TTN: variants seen among roughly 807,000 people sequenced by gnomAD.
TTN encodes the protein titin.
In TTN, 1,525 loss-of-function variants were observed where a neutral mutation model predicts 3,223.0. The observed-to-expected ratio is 0.47, with a 90% CI of 0.45 to 0.49. The LOEUF is 0.49. Ranked by LOEUF, TTN falls within the 20% of genes least tolerant of loss-of-function variation. The probability of loss-of-function intolerance (pLI) is 0.00; values close to 1 mark genes in which losing one functional copy is unlikely to be tolerated. For synonymous variants in TTN, 14,094 were observed against 15,161.0 expected (o/e 0.93, Z 5.17); for missense variants, 40,786 against 43,424.0 (o/e 0.94, Z 5.40).
chr2:178,562,614 C>T lies in TTN; in HGVS notation c.83518G>A (p.Val27840Ile). Residue 27840 changes from valine (V) to isoleucine (I), a missense_variant, in exon 326 of 363, where the codon GTC becomes ATC. Coordinates refer to ENST00000589042, the MANE Select transcript of TTN (RefSeq NM_001267550.2). ...LQEGCSYYFR[V>I]LASNEYGIGL... ...ATCCCATATTCATTGGAAGCCAAGA[C>T]TCGGAAGTAGTAAGAACATCCTTCT... 5 of 1,610,250 alleles carry T rather than the reference C, an allele frequency of 3.1e-6. No homozygotes were observed. The highest frequency in any genetic ancestry group is 4.2e-6 in the Non-Finnish European group (5 of 1,178,650).
At chr2:178,786,834 C>T (rs1266743423) in intron 13 of TTN, among the ~76,000 whole-genome samples, 3 of 152,150 alleles carry the variant, frequency 2.0e-5, no homozygotes, top group South Asian at 2.1e-4. Flanking sequence ...AAGAGAACAA[C>T]CTTTCACATT....
chr2:178,683,724 G>T (rs1222177107), intron 133 of TTN, among the ~76,000 whole-genome samples: 1 of 151,894 alleles, frequency 6.6e-6, no homozygotes, highest in Non-Finnish European at 1.5e-5. Context: ...AAGCATCTAG[G>T]CAGATGAGTT....
intron 40 of TTN, 46 bp from the exon 41 acceptor site, chr2:178,766,658 T>C (rs765470575): frequency 1.3e-6 from 2 of 1,488,192 alleles, no homozygotes; most frequent in Admixed American, 1.7e-5. Flanking sequence ...AACAAAAACT[T>C]GAAGCTCTGG....
At position 178,733,673 on chromosome 2, in the gene TTN, G is replaced by A. The variant is rs756844952; in HGVS notation, c.15716C>T (p.Thr5239Met). The A allele has an allele frequency of 2.2e-5, 35 of 1,613,474 alleles. No homozygotes were observed. Among genetic ancestry groups the A allele is most frequent in the African/African-American group, 2.7e-5 (2 of 74,888 alleles). The change falls in exon 53 of 363, where the codon ACG (threonine) becomes ATG (methionine). Residue 5239 changes from threonine to methionine, a missense_variant. Transcript: ENST00000589042. ...DVQISFGGKYTCLAENEAGSQ... is the reference protein window; with the variant it reads ...DVQISFGGKYMCLAENEAGSQ... ...TCCAGCTTCATTTTCAGCCAGGCAC[G>A]TGTATTTGCCTCCAAAACTAATCTG...
chr2:178,740,303 T>C lies in TTN; in HGVS notation c.12930A>G (p.Pro4310=). The C allele has an allele frequency of 6.2e-7, 1 of 1,613,730 alleles. No homozygotes were observed. The highest frequency in any genetic ancestry group is 8.5e-7 in the Non-Finnish European group (1 of 1,179,802). Residue 4310 remains proline, a synonymous_variant, in exon 48 of 363, where the codon CCA becomes CCG. Coordinates refer to ENST00000589042, the MANE Select transcript of TTN (RefSeq NM_001267550.2). The part of the protein sequence containing the change: ...GGKILIESAN[P]LENAGQDSAV... ...CAGAATCTTGCCCTGCATTTTCCAG[T>C]GGATTTGCACTTTCTATCAAAATTT...
rs1246123537 is a variant in TTN, at chr2:178,706,633, G to A, written c.29241C>T (p.Ile9747=). ...RQLNQGGRVF[I]HQKGDEAKLE... ...GTTTTGCTTCATCGCCTTTTTGGTG[G>A]ATGAAAACACGACCTCCTTGGTTCA... Residue 9747 remains isoleucine (I), a synonymous_variant, in exon 102 of 363, where the codon ATC becomes ATT. Transcript: ENST00000589042. 1.2e-6 allele frequency: 2 copies of A among 1,613,876 alleles called. No individual in the cohort carries two copies. Among genetic ancestry groups the A allele is most frequent in the Non-Finnish European group, 1.7e-6 (2 of 1,179,836 alleles).
rs786205300 is a variant in TTN, at chr2:178,566,921, G to A, written c.79211C>T (p.Thr26404Ile). Residue 26404 changes from threonine to isoleucine, a missense_variant, in exon 326 of 363, where the codon ACC becomes ATC. Coordinates refer to ENST00000589042, the MANE Select transcript of TTN (RefSeq NM_001267550.2). The part of the protein sequence containing the change: ...EVTNIAKDSM[T>I]VCWNRPDSDG... The stretch of plus-strand genomic sequence containing the variant: ...ACTATCTGGACGGTTCCAACAGACG[G>A]TCATGGAGTCTTTGGCAATATTTGT... The A allele has an allele frequency of 1.9e-6, 3 of 1,613,420 alleles. No individual in the cohort carries two copies. The highest frequency in any genetic ancestry group is 2.5e-6 in the Non-Finnish European group (3 of 1,179,672).
At chr2:178,668,412 C>T (rs961433079) in intron 159 of TTN, among the ~76,000 whole-genome samples, 2 of 151,956 alleles carry the variant, frequency 1.3e-5, no homozygotes, top group African/African-American at 2.4e-5. Flanking sequence ...AGTTGAGTTT[C>T]AACAGGAAAT....
Position 178,710,731 on chromosome 2 carries a change from C to A in TTN, c.28366G>T (p.Val9456Phe), listed in dbSNP as rs772549192. Residue 9456 changes from valine (V) to phenylalanine (F), a missense_variant, in exon 98 of 363, where the codon GTC (valine) becomes TTC (phenylalanine). Coordinates refer to ENST00000589042, the MANE Select transcript of TTN (RefSeq NM_001267550.2). ...SYLENSAHLT[V>F]LKVDKGDSGQ... ...GAATCTCCTTTGTCTACTTTGAGGA[C>A]TGTCAGGTGGGCGCTGTTTTCCAGA... is the stretch of plus-strand genomic sequence containing the variant. The A allele has an allele frequency of 2.5e-6, 4 of 1,613,860 alleles. No homozygotes were observed. The highest frequency in any genetic ancestry group is 3.4e-6 in the Non-Finnish European group (4 of 1,179,830).
chr2:178,605,216 A>C lies in TTN; in HGVS notation c.53961T>G (p.Pro17987=), dbSNP rs1279496154. 1 of 1,611,910 alleles carries C rather than the reference A, an allele frequency of 6.2e-7. No homozygotes were observed. Among genetic ancestry groups the C allele is most frequent in the Non-Finnish European group, 8.5e-7 (1 of 1,178,928 alleles). The part of the protein sequence containing the change: ...KVKAGEPVHI[P]ADVTGLPMPK... ...GCATTGGAAGGCCTGTCACATCTGC[A>C]GGGATGTGGACAGGCTCTCCTGCCT... is the stretch of plus-strand genomic sequence containing the variant. Residue 17987 remains proline, a synonymous_variant, in exon 280 of 363, where the codon CCT becomes CCG. Coordinates refer to ENST00000589042, the MANE Select transcript of TTN (RefSeq NM_001267550.2).
At chr2:178,748,202 C>T (rs1314174634) in intron 47 of TTN, 3 of 1,613,060 alleles carry the variant, frequency 1.9e-6, no homozygotes, top group Admixed American at 1.7e-5. Flanking sequence ...AAGTAGGGCA[C>T]ATGATTCACT....
At position 178,558,069 on chromosome 2, in the gene TTN, A is replaced by G. The variant is rs2154156132; in HGVS notation, c.87285T>C (p.Ile29095=). The change falls in exon 328 of 363, where the codon ATT becomes ATC. Residue 29095 remains isoleucine (I), a synonymous_variant. Transcript: ENST00000589042. ...LKATMRFNTE[I]TAENLTINLK... ...GATTGATGGTCAGGTTCTCAGCAGT[A>G]ATTTCGGTATTAAATCTCATGGTTG... 2 of 1,613,934 alleles carry G rather than the reference A, an allele frequency of 1.2e-6. No individual in the cohort carries two copies. Among genetic ancestry groups the G allele is most frequent in the Non-Finnish European group, 1.7e-6 (2 of 1,179,850 alleles).
chr2:178,551,540 G>T, intron 335 of TTN, 90 bp downstream of exon 335: 1 of 1,103,740 alleles, frequency 9.1e-7, no homozygotes, highest in Admixed American at 3.0e-5. Flanking sequence ...ATGTAAGAAG[G>T]TGATGCAGAG....
chr2:178,591,227 A>C lies in TTN; in HGVS notation c.60498T>G (p.Leu20166=), dbSNP rs1318887393. 1 of 1,613,464 alleles carries C rather than the reference A, an allele frequency of 6.2e-7. No individual in the cohort carries two copies. Among genetic ancestry groups the C allele is most frequent in the South Asian group, 1.1e-5 (1 of 91,052 alleles). The change falls in exon 304 of 363, where the codon CTT becomes CTG. Residue 20166 remains leucine, a synonymous_variant. Coordinates refer to ENST00000589042, the MANE Select transcript of TTN (RefSeq NM_001267550.2). ...GTGGCCCAGGAACATCAAGAACAGT[A>C]AGATGTACGGCTACTGTTTTGCTAC... The part of the protein sequence containing the change: ...AAGSKTVAVH[L]TVLDVPGPPT...
chr2:178,543,269 G>A lies in TTN; in HGVS notation c.96704C>T (p.Thr32235Ile), dbSNP rs1428828704. ...KPLYDGGSRL[T>I]GYVLEACKAG... Reference sequence around the variant, plus strand: ...TTTGCAGGCCTCGAGAACATATCCAGTGAGTCGGCTACCACCATCGTAGAG... The same window carrying A: ...TTTGCAGGCCTCGAGAACATATCCAATGAGTCGGCTACCACCATCGTAGAG... Residue 32235 changes from threonine (T) to isoleucine (I), a missense_variant, in exon 347 of 363, where the codon ACT (threonine) becomes ATT (isoleucine). Transcript: ENST00000589042. The A allele has an allele frequency of 6.2e-7, 1 of 1,613,784 alleles. No individual in the cohort carries two copies. Among genetic ancestry groups the A allele is most frequent in the East Asian group, 2.2e-5 (1 of 44,860 alleles).
intron 26 of TTN, 26 bp from the exon 27 acceptor site, chr2:178,777,343 A>C: frequency 1.2e-6 from 2 of 1,613,512 alleles, no homozygotes; most frequent in Non-Finnish European, 1.7e-6. Context: ...CATGATTTAG[A>C]GGGAGTAAGG....
chr2:178,695,044 A>T, intron 115 of TTN, 138 bp from the exon 116 acceptor site: 1 of 688,494 alleles, frequency 1.5e-6, no homozygotes, highest in East Asian at 2.8e-5. Flanking sequence ...CATTTTTTAA[A>T]GAGAGAGATG....
chr2:178,619,257 A>G lies in TTN; in HGVS notation c.46696+364T>C, dbSNP rs529699690. 2.9e-4 allele frequency: 107 copies of G among 372,370 alleles called. 1 individual carries two copies. Among genetic ancestry groups the G allele is most frequent in the South Asian group, 2.4e-3 (75 of 31,590 alleles). 23.1% of individuals were successfully genotyped at this position (372,370 alleles called of 1,614,324 possible). A position where few individuals can be genotyped will look rare whatever the true frequency, so the allele number is the denominator to read the frequency against. On this transcript the variant is annotated intron_variant, in intron 250 of 362. Coordinates refer to ENST00000589042, the MANE Select transcript of TTN (RefSeq NM_001267550.2). Reference sequence around the variant, plus strand: ...TTTTTCATAAGGACAGTGTATAAGGATGTCCTGGGTCAGGATGAGAACATA... The same window carrying G: ...TTTTTCATAAGGACAGTGTATAAGGGTGTCCTGGGTCAGGATGAGAACATA...
In TTN at chr2:178,728,000, T is replaced by G. The variant is rs529735919; in HGVS notation, c.19714+110A>C. On this transcript the variant is annotated intron_variant, in intron 67 of 362. Transcript: ENST00000589042. ...TTCTTGAACACAATGAATATGTATC[T>G]AAAGAACCAGAATCATAGAGATTTT... 1.3e-4 allele frequency: 188 copies of G among 1,420,274 alleles called. No homozygotes were observed. In the African/African-American group the frequency reaches 2.5e-3, roughly 19 times the overall value. The allele number at this position is 1,420,274 out of a possible 1,614,324, so 88.0% of individuals were successfully genotyped here.
Sources: allele counts gnomAD v4.1 joint callset (sites outside exome capture counted in the v4.1 genomes callset), GRCh38; gene constraint gnomAD v4.1.1; transcripts MANE v1.5; gene names NCBI Gene and HGNC (gene_info 2026-07-23, HGNC 2026-07-21).